The following SEMA3D variants were observed in gnomAD, a reference collection of about 807,000 sequenced individuals.
SEMA3D encodes the protein semaphorin 3D, also known as semaphorin-3D.
Under a neutral mutation model 100.1 loss-of-function variants are expected in SEMA3D, and 84 were observed. The ratio of observed to expected loss-of-function variants is 0.84; its 90% CI spans 0.70 to 1.01. SEMA3D has a LOEUF of 1.01. Among genes scored for constraint, SEMA3D ranks in the 50% least tolerant of loss-of-function variants. SEMA3D has a pLI of 0.00. For synonymous variants in SEMA3D, 312 were observed against 320.7 expected (o/e 0.97, Z 0.29); for missense variants, 875 against 934.1 (o/e 0.94, Z 0.82).
chr7:85,118,021 G>C (rs889931185), intron 3 of SEMA3D, among the ~76,000 whole-genome samples: 40 of 152,016 alleles, frequency 2.6e-4, no homozygotes, highest in African/African-American at 8.4e-4. Flanking sequence ...TATGGCTCCA[G>C]TTTAATGGAA....
intron 12 of SEMA3D, among the ~76,000 whole-genome samples, chr7:85,030,121 C>G (rs1790505075): frequency 6.6e-6 from 1 of 151,684 alleles, no homozygotes; most frequent in Non-Finnish European, 1.5e-5. Flanking sequence ...TTATGATGTT[C>G]CTTAAATATG....
At chr7:85,041,014 G>T in intron 10 of SEMA3D, 1 of 208,054 alleles carries the variant, frequency 4.8e-6, no homozygotes, top group Non-Finnish European at 9.4e-6. Context: ...ACCCTCTAGT[G>T]TAAAAAAATT....
chr7:85,173,449 T>C (rs1791141098), intron 1 of SEMA3D, among the ~76,000 whole-genome samples: 1 of 152,072 alleles, frequency 6.6e-6, no homozygotes, highest in African/African-American at 2.4e-5. Context: ...ATTATCCCTT[T>C]AAACACACTT....
At chr7:85,070,797 T>TTTG (rs1791750124) in intron 6 of SEMA3D, among the ~76,000 whole-genome samples, 1 of 149,942 alleles carries the variant, frequency 6.7e-6, no homozygotes, top group South Asian at 2.1e-4. Flanking sequence ...TTTGTTGTTG[T>TTTG]TTGGAGACAG....
chr7:85,244,292 G>T, the SEMA3D span, among the ~76,000 whole-genome samples: 7 of 152,214 alleles, frequency 4.6e-5, no homozygotes, highest in South Asian at 1.5e-3. Flanking sequence ...CAAAAGTGAG[G>T]ACTCGCTCAC....
At chr7:85,232,872 A>T in the SEMA3D span, among the ~76,000 whole-genome samples, 1 of 152,194 alleles carries the variant, frequency 6.6e-6, no homozygotes, top group African/African-American at 2.4e-5. Context: ...TTGTGGTTCT[A>T]ATGCAACTTC....
At chr7:85,067,411 C>T (rs1183879482) in intron 7 of SEMA3D, among the ~76,000 whole-genome samples, 5 of 152,096 alleles carry the variant, frequency 3.3e-5, no homozygotes, top group Admixed American at 3.3e-4. Flanking sequence ...AACACAAATA[C>T]ACACATGCTG....
intron 2 of SEMA3D, among the ~76,000 whole-genome samples, chr7:85,147,332 C>T (rs777482591): frequency 4.0e-5 from 6 of 151,834 alleles, no homozygotes; most frequent in South Asian, 2.1e-4. Context: ...AAATGCCTGA[C>T]CTCAAGTGAT....
intron 1 of SEMA3D, among the ~76,000 whole-genome samples, chr7:85,173,693 C>T (rs904636861): frequency 2.6e-5 from 4 of 152,084 alleles, no homozygotes; most frequent in African/African-American, 4.8e-5. Context: ...TATAGTATTT[C>T]GTTTCCCTGT....
chr7:85,003,983 AT>A (rs899167972), intron 18 of SEMA3D, among the ~76,000 whole-genome samples: 1 of 152,066 alleles, frequency 6.6e-6, no homozygotes, highest in African/African-American at 2.4e-5. Flanking sequence ...TACTTCTAAG[AT>A]TTTTTTCCTA....
At chr7:85,200,637 A>C in the SEMA3D span, among the ~76,000 whole-genome samples, 1 of 152,194 alleles carries the variant, frequency 6.6e-6, no homozygotes, top group Non-Finnish European at 1.5e-5. Context: ...AAGAAAATCC[A>C]ATTTTCTGAA....
At chr7:85,064,229 C>A (rs1163964214) in intron 8 of SEMA3D, among the ~76,000 whole-genome samples, 1 of 150,764 alleles carries the variant, frequency 6.6e-6, no homozygotes, top group Admixed American at 6.6e-5. Context: ...ATAAAAATAT[C>A]TTTTTACTCA....
At chr7:85,184,076 C>A (rs1791473575) in intron 1 of SEMA3D, among the ~76,000 whole-genome samples, 1 of 151,984 alleles carries the variant, frequency 6.6e-6, no homozygotes. Context: ...ATTAATATCA[C>A]ATACATACGA....
intron 13 of SEMA3D, 22 bp downstream of exon 13, chr7:85,022,369 T>C: frequency 6.4e-7 from 1 of 1,551,576 alleles, no homozygotes; most frequent in Non-Finnish European, 8.9e-7. Flanking sequence ...TTTGAAAAAA[T>C]CCTAATCTAG....
chr7:85,245,162 C>CA, the SEMA3D span, among the ~76,000 whole-genome samples: 1 of 152,004 alleles, frequency 6.6e-6, no homozygotes, highest in Admixed American at 6.6e-5. Flanking sequence ...TCAAAAAATA[C>CA]AAAACCTCGA....
intron 1 of SEMA3D, among the ~76,000 whole-genome samples, chr7:85,183,285 A>G (rs924107417): frequency 3.3e-5 from 5 of 152,212 alleles, no homozygotes; most frequent in Non-Finnish European, 7.3e-5. Flanking sequence ...ACAAATATCC[A>G]TGCAATGGAT....
chr7:85,186,474 G>A lies in SEMA3D; in HGVS notation c.-173+204C>T, dbSNP rs1474305383. Among the ~76,000 whole-genome samples, 5 of 152,150 alleles carry A rather than the reference G, an allele frequency of 3.3e-5. No homozygotes were observed. In the South Asian group the frequency reaches 6.2e-4, roughly 19 times the overall value. ...CAGGGGCCGCGCTGAAGCTGGCGCC[G>A]CGATTACTGCGCACCGATTTCGCCC... On this transcript the variant is annotated intron_variant, in intron 1 of 18. Transcript: ENST00000284136.
intron 4 of SEMA3D, among the ~76,000 whole-genome samples, chr7:85,090,142 T>C (rs562359207): frequency 1.3e-5 from 2 of 152,168 alleles, no homozygotes; most frequent in Non-Finnish European, 2.9e-5. Flanking sequence ...TTGCTTTTTC[T>C]TCCTACCACC....
intron 2 of SEMA3D, among the ~76,000 whole-genome samples, chr7:85,137,369 A>G (rs1488971959): frequency 6.6e-6 from 1 of 152,026 alleles, no homozygotes; most frequent in Non-Finnish European, 1.5e-5. Context: ...TGGTACATAC[A>G]TAGGGGTGTG....
Sources: allele counts gnomAD v4.1 joint callset (sites outside exome capture counted in the v4.1 genomes callset), GRCh38; gene constraint gnomAD v4.1.1; transcripts MANE v1.5; gene names NCBI Gene and HGNC (gene_info 2026-07-23, HGNC 2026-07-21).